SKIL: variants seen among roughly 807,000 people sequenced by gnomAD.
The protein encoded by SKIL is ski-like protein.
A neutral mutation model predicts 69.6 loss-of-function variants in SKIL; 20 were observed. The ratio of observed to expected loss-of-function variants is 0.29; its 90% CI spans 0.20 to 0.42. SKIL has a LOEUF of 0.42. SKIL is among the 10% of genes least tolerant of loss of function. The pLI, the probability that SKIL is intolerant of heterozygous loss-of-function variation, is 1.00. For synonymous variants in SKIL, 310 were observed against 279.9 expected (o/e 1.11, Z -1.08); for missense variants, 745 against 783.1 (o/e 0.95, Z 0.58).
intron 1 of SKIL, chr3:170,358,774 G>GT (rs1560202769): frequency 6.6e-6 from 1 of 152,160 alleles, no homozygotes; most frequent in Non-Finnish European, 1.5e-5. Context: ...TCTTTGTGAG[G>GT]TTTGTCTGCC....
intron 2 of SKIL, among the ~76,000 whole-genome samples, chr3:170,376,793 C>G (rs541599123): frequency 6.6e-6 from 1 of 151,758 alleles, no homozygotes; most frequent in Non-Finnish European, 1.5e-5. Context: ...CCAGGCCAGT[C>G]TCAAACTCCT....
In SKIL at chr3:170,360,439, T is replaced by A; in HGVS notation, c.108T>A (p.Ile36=). 1.2e-6 allele frequency: 2 copies of A among 1,613,788 alleles called. No homozygotes were observed. Among genetic ancestry groups the A allele is most frequent in the Non-Finnish European group, 1.7e-6 (2 of 1,179,900 alleles). Residue 36 remains isoleucine (I), a synonymous_variant, in exon 2 of 7, where the codon ATT becomes ATA. Coordinates refer to ENST00000259119, the MANE Select transcript of SKIL (RefSeq NM_005414.5). ...CAGCGAAAAAAATGATAACGGACAT[T>A]CATGCAAATGGAAAAACGATAAACA... The part of the protein sequence containing the change: ...SPPAKKMITD[I]HANGKTINKV...
In SKIL at chr3:170,394,975, G is replaced by A. The variant is rs1458568941; in HGVS notation, c.*2558G>A. ...TACTCTTTGTGTGCCAAATTCACTA[G>A]GCAAGCGGATTTTTCCTCAGACTTC... On this transcript the variant is annotated 3_prime_UTR_variant, in exon 7 of 7. Transcript: ENST00000259119. 6.6e-6 allele frequency: 1 copy of A among 152,066 alleles called. No homozygotes were observed. The highest frequency in any genetic ancestry group is 1.5e-5 in the Non-Finnish European group (1 of 67,982). 9.4% of individuals were successfully genotyped at this position (152,066 alleles called of 1,614,324 possible).
intron 2 of SKIL, among the ~76,000 whole-genome samples, chr3:170,362,626 C>T (rs1191287101): frequency 2.0e-5 from 3 of 151,914 alleles, no homozygotes; most frequent in Non-Finnish European, 4.4e-5. Context: ...ACCAGCCTGG[C>T]CAACATGGTA....
At chr3:170,378,591 A>G (rs1737160807) in intron 2 of SKIL, among the ~76,000 whole-genome samples, 1 of 119,822 alleles carries the variant, frequency 8.3e-6, no homozygotes, top group Admixed American at 1.2e-4. Flanking sequence ...TTGCTCTGTC[A>G]CCCAGGTTGG....
At chr3:170,362,053 A>G (rs901799364) in intron 2 of SKIL, among the ~76,000 whole-genome samples, 1 of 152,200 alleles carries the variant, frequency 6.6e-6, no homozygotes, top group Non-Finnish European at 1.5e-5. Context: ...AGATACACCT[A>G]TGATTTCTGA....
intron 2 of SKIL, among the ~76,000 whole-genome samples, chr3:170,380,708 C>T (rs1737299151): frequency 6.6e-6 from 1 of 151,984 alleles, no homozygotes; most frequent in East Asian, 1.9e-4. Context: ...GCAGTCATTT[C>T]TGGTACTCCA....
chr3:170,391,716 G>C (rs185357238), intron 6 of SKIL, among the ~76,000 whole-genome samples: 40 of 152,316 alleles, frequency 2.6e-4, no homozygotes, highest in Admixed American at 9.2e-4. Flanking sequence ...GCTTTATGCT[G>C]TATTGTCCAA....
At chr3:170,364,012 A>G (rs1042176710) in intron 2 of SKIL, among the ~76,000 whole-genome samples, 2 of 151,096 alleles carry the variant, frequency 1.3e-5, no homozygotes, top group African/African-American at 4.9e-5. Flanking sequence ...GTGCAGTGGC[A>G]CGATCTCGGC....
chr3:170,369,392 A>C (rs989238269), intron 2 of SKIL, among the ~76,000 whole-genome samples: 51 of 152,184 alleles, frequency 3.4e-4, no homozygotes, highest in African/African-American at 1.2e-3. Flanking sequence ...CAAAGAAGTA[A>C]TCAAGAATTG....
At chr3:170,379,229 C>T (rs999846635) in intron 2 of SKIL, among the ~76,000 whole-genome samples, 5 of 152,118 alleles carry the variant, frequency 3.3e-5, no homozygotes, top group East Asian at 1.9e-4. Flanking sequence ...CCACCCTTCT[C>T]GGCCTCCCAA....
intron 4 of SKIL, chr3:170,385,171 G>T (rs4955722): frequency 0.77 from 118,154 of 153,448 alleles, 46,254 homozygotes; most frequent in East Asian, 0.94. Context: ...CTCAACCTTT[G>T]GGCTCAAGTG....
intron 2 of SKIL, among the ~76,000 whole-genome samples, chr3:170,374,421 G>A (rs769913703): frequency 2.6e-5 from 4 of 152,114 alleles, no homozygotes; most frequent in Non-Finnish European, 4.4e-5. Flanking sequence ...GCTACTAAAT[G>A]ATCCACTTCT....
intron 3 of SKIL, among the ~76,000 whole-genome samples, chr3:170,381,974 C>T (rs974344729): frequency 4.6e-5 from 7 of 151,516 alleles, no homozygotes; most frequent in East Asian, 2.0e-4. Flanking sequence ...CCCAGCTACT[C>T]GGGAGGCTGA....
At position 170,390,388 on chromosome 3, in the gene SKIL, A is replaced by T; in HGVS notation, c.1595A>T (p.Glu532Val). The T allele has an allele frequency of 6.2e-7, 1 of 1,613,758 alleles. No individual in the cohort carries two copies. The highest frequency in any genetic ancestry group is 8.5e-7 in the Non-Finnish European group (1 of 1,179,598). ...ICEDDKGKIM[E>V]EVMRTYLKQQ... The stretch of plus-strand genomic sequence containing the variant: ...GAGGATGATAAGGGAAAAATCATGG[A>T]AGAAGTAATGAGAACTTATTTAAAA... The change falls in exon 5 of 7, where the codon GAA becomes GTA. Residue 532 changes from glutamate (E) to valine (V), a missense_variant. Coordinates refer to ENST00000259119, the MANE Select transcript of SKIL (RefSeq NM_005414.5).
chr3:170,370,240 A>G (rs549364861), intron 2 of SKIL, among the ~76,000 whole-genome samples: 24 of 152,278 alleles, frequency 1.6e-4, no homozygotes, highest in African/African-American at 5.5e-4. Context: ...CTCCGTCTCA[A>G]AAAAATAAAA....
intron 2 of SKIL, among the ~76,000 whole-genome samples, chr3:170,377,519 T>C (rs1737091258): frequency 6.6e-6 from 1 of 150,842 alleles, no homozygotes; most frequent in African/African-American, 2.4e-5. Context: ...TTATTAGTAT[T>C]TCAAATTCAT....
chr3:170,391,356 C>T (rs549735117), intron 6 of SKIL, 96 bp downstream of exon 6: 19 of 714,666 alleles, frequency 2.7e-5, no homozygotes, highest in South Asian at 3.9e-5. Context: ...ACTGCTCTGT[C>T]GCCCAGGCTG....
At chr3:170,367,608 A>G (rs1357611234) in intron 2 of SKIL, among the ~76,000 whole-genome samples, 1 of 151,928 alleles carries the variant, frequency 6.6e-6, no homozygotes. Context: ...CTGGGATTAC[A>G]GGTGCCTGCC....
Sources: allele counts gnomAD v4.1 joint callset (sites outside exome capture counted in the v4.1 genomes callset), GRCh38; gene constraint gnomAD v4.1.1; transcripts MANE v1.5; gene names NCBI Gene and HGNC (gene_info 2026-07-23, HGNC 2026-07-21).